The following SLC7A7 variants were observed in gnomAD, a reference collection of about 807,000 sequenced individuals.
The protein encoded by SLC7A7 is Y+L amino acid transporter 1.
Under a neutral mutation model 47.9 loss-of-function variants are expected in SLC7A7, and 39 were observed. The ratio of observed to expected loss-of-function variants is 0.81; its 90% CI spans 0.63 to 1.06. The LOEUF (loss-of-function observed/expected upper bound fraction) is 1.06, where lower values mean the gene tolerates loss of function less well. Among genes scored for constraint, SLC7A7 ranks in the 50% least tolerant of loss-of-function variants. The probability of loss-of-function intolerance (pLI) is 0.00; values close to 1 mark genes in which losing one functional copy is unlikely to be tolerated. For synonymous variants in SLC7A7, 234 were observed against 242.8 expected (o/e 0.96, Z 0.34); for missense variants, 588 against 632.0 (o/e 0.93, Z 0.75).
rs573189561 is a variant in SLC7A7, at chr14:22,780,198, T to C, written c.500-147A>G. On this transcript the variant is annotated intron_variant, in intron 2 of 9. Transcript: ENST00000674313. ...TCTGACCTGCTCTGCACTGGAACCCTCGGGGCCCCAGAATGTCCTCACCAT... is the reference window on the plus strand; with the variant it reads ...TCTGACCTGCTCTGCACTGGAACCCCCGGGGCCCCAGAATGTCCTCACCAT... 4.3e-5 allele frequency: 47 copies of C among 1,100,636 alleles called. No individual in the cohort carries two copies. In the Admixed American group the frequency reaches 9.5e-4, roughly 22 times the overall value. The allele number at this position is 1,100,636 out of a possible 1,614,324, so 68.2% of individuals were successfully genotyped here. A position where few individuals can be genotyped will look rare whatever the true frequency, so the allele number is the denominator to read the frequency against.
chr14:22,790,518 T>C lies in SLC7A7; in HGVS notation c.500-10467A>G, dbSNP rs532529785. On this transcript the variant is annotated intron_variant, in intron 2 of 9. Transcript: ENST00000674313. ...TCAAAAGAATCTAAATGTGACCTTA[T>C]GCAAAGAAGGCAGGCATCCCTTATG... Among the ~76,000 whole-genome samples, 6 of 152,232 alleles carry C rather than the reference T, an allele frequency of 3.9e-5. No homozygotes were observed. In the South Asian group the frequency reaches 1.2e-3, roughly 32 times the overall value.
At chr14:22,803,350 G>A (rs904735851) in intron 2 of SLC7A7, among the ~76,000 whole-genome samples, 3 of 152,160 alleles carry the variant, frequency 2.0e-5, no homozygotes, top group African/African-American at 4.8e-5. Flanking sequence ...CCCGGAAGGC[G>A]GAGGTTGCAG....
intron 2 of SLC7A7, among the ~76,000 whole-genome samples, chr14:22,781,047 G>C (rs2038710474): frequency 6.6e-6 from 1 of 152,132 alleles, no homozygotes; most frequent in Admixed American, 6.6e-5. Context: ...CTTCCCACTG[G>C]TAGCATAGCG....
At chr14:22,792,948 G>A (rs539639994) in intron 2 of SLC7A7, among the ~76,000 whole-genome samples, 39 of 145,536 alleles carry the variant, frequency 2.7e-4, no homozygotes, top group African/African-American at 9.3e-4. Context: ...ACAGAGTCTC[G>A]CTCTGTCGCC....
intron 2 of SLC7A7, among the ~76,000 whole-genome samples, chr14:22,796,006 G>A (rs867507562): frequency 1.8e-4 from 27 of 152,152 alleles, no homozygotes; most frequent in African/African-American, 6.0e-4. Flanking sequence ...TGCTGGTCAA[G>A]AGTTTGTTCC....
intron 2 of SLC7A7, among the ~76,000 whole-genome samples, chr14:22,792,924 T>G (rs1233012893): frequency 1.3e-5 from 2 of 149,868 alleles, no homozygotes; most frequent in African/African-American, 2.4e-5. Context: ...AATATCTTTT[T>G]TTTTTTTTTA....
chr14:22,817,547 A>C (rs1161582290), upstream of SLC7A7, among the ~76,000 whole-genome samples: 1 of 152,052 alleles, frequency 6.6e-6, no homozygotes, highest in Non-Finnish European at 1.5e-5. Context: ...CACCACATTG[A>C]CCAGGATGGT....
Position 22,813,789 on chromosome 14 carries a change from A to ATTTTT in SLC7A7, c.-42-354_-42-350dup, listed in dbSNP as rs34654418. ...AGGCACCTGCCACCACGCGTGGCTAATTTTTTTTTTTTTTTTTTGAGATGG... is the reference window on the plus strand; with the variant it reads ...AGGCACCTGCCACCACGCGTGGCTAATTTTTTTTTTTTTTTTTTTTTTTGAGATGG... On this transcript the variant is annotated intron_variant, in intron 1 of 9. Coordinates refer to ENST00000674313, the MANE Select transcript of SLC7A7 (RefSeq NM_003982.4). 2.8e-4 allele frequency among the ~76,000 whole-genome samples: 27 copies of ATTTTT among 96,288 alleles called. 1 individual carries two copies. Among genetic ancestry groups the ATTTTT allele is most frequent in the African/African-American group, 1.1e-3 (25 of 23,764 alleles). 63.2% of individuals were successfully genotyped at this position (96,288 alleles called of 152,430 possible). A position where few individuals can be genotyped will look rare whatever the true frequency, so the allele number is the denominator to read the frequency against.
chr14:22,814,394 G>C (rs2039374753), intron 1 of SLC7A7, among the ~76,000 whole-genome samples: 2 of 151,928 alleles, frequency 1.3e-5, no homozygotes, highest in South Asian at 4.2e-4. Flanking sequence ...TGAGGCAGGA[G>C]AATCACTTGA....
intron 2 of SLC7A7, among the ~76,000 whole-genome samples, chr14:22,795,769 G>A (rs967420488): frequency 7.9e-5 from 12 of 152,056 alleles, no homozygotes; most frequent in African/African-American, 1.9e-4. Context: ...CACCGTGCCC[G>A]GCCTTGTTTT....
rs376455152 is a variant in SLC7A7, at chr14:22,775,956, G to A, written c.895-20C>T. Reference sequence around the variant, plus strand: ...AAAAGTCTAAGGGAAAAGAATGGAAGAGTCATTAGCAGGATCTAAAAGGGA... The same window carrying A: ...AAAAGTCTAAGGGAAAAGAATGGAAAAGTCATTAGCAGGATCTAAAAGGGA... On this transcript the variant is annotated intron_variant, in intron 5 of 9. Transcript: ENST00000674313. 42 of 1,585,314 alleles carry A rather than the reference G, an allele frequency of 2.6e-5. No individual in the cohort carries two copies. The South Asian group carries it at 3.6e-4, about 14-fold the overall frequency.
chr14:22,811,885 A>G (rs2039313749), intron 2 of SLC7A7, among the ~76,000 whole-genome samples: 1 of 151,428 alleles, frequency 6.6e-6, no homozygotes, highest in Admixed American at 6.6e-5. Flanking sequence ...CAGCCTACAG[A>G]AATACTCATG....
Position 22,773,642 on chromosome 14 carries a change from T to C in SLC7A7, c.1504A>G (p.Met502Val), listed in dbSNP as rs888454102. Residue 502 changes from methionine to valine, a missense_variant, in exon 10 of 10, where the codon ATG (methionine) becomes GTG (valine). Physicochemically the swap from Met to Val is conservative, Grantham distance 21. Transcript: ENST00000674313. ...GATTTGGGATCCCGTTGCTTGGGCA[T>C]CTCTCCTCCATCTTCCAAATCCATT... ...AEMDLEDGGE[M>V]PKQRDPKSN 4 of 1,614,040 alleles carry C rather than the reference T, an allele frequency of 2.5e-6. No individual in the cohort carries two copies. Among genetic ancestry groups the C allele is most frequent in the Non-Finnish European group, 2.5e-6 (3 of 1,180,034 alleles).
In SLC7A7 at chr14:22,796,786, G is replaced by A. The variant is rs144962937; in HGVS notation, c.499+16114C>T. Among the ~76,000 whole-genome samples, 30 of 152,296 alleles carry A rather than the reference G, an allele frequency of 2.0e-4. No individual in the cohort carries two copies. The East Asian group carries it at 5.0e-3, about 25-fold the overall frequency. On this transcript the variant is annotated intron_variant, in intron 2 of 9. Transcript: ENST00000674313. Reference sequence around the variant, plus strand: ...CCTTGGCTCTGAGGAAAGGACAGTCGGGTGGAGCTGGACTTCTGGACACCT... The same window carrying A: ...CCTTGGCTCTGAGGAAAGGACAGTCAGGTGGAGCTGGACTTCTGGACACCT...
chr14:22,791,024 C>T (rs546030991), intron 2 of SLC7A7, among the ~76,000 whole-genome samples: 1 of 149,916 alleles, frequency 6.7e-6, no homozygotes, highest in South Asian at 2.1e-4. Flanking sequence ...AGGTCAAATA[C>T]GTTTATTAGC....
chr14:22,776,334 A>G lies in SLC7A7; in HGVS notation c.771-16T>C. The G allele has an allele frequency of 1.2e-6, 2 of 1,614,196 alleles. No homozygotes were observed. Among genetic ancestry groups the G allele is most frequent in the Non-Finnish European group, 1.7e-6 (2 of 1,180,020 alleles). On this transcript the variant is annotated splice_polypyrimidine_tract_variant and intron_variant, in intron 4 of 9. Coordinates refer to ENST00000674313, the MANE Select transcript of SLC7A7 (RefSeq NM_003982.4). The stretch of plus-strand genomic sequence containing the variant: ...GGGCAGGTTCCTACAGCCAAATAGA[A>G]TAAAATGCACATTAGTCCCACAGTC...
In SLC7A7 at chr14:22,774,048, A is replaced by T; in HGVS notation, c.1314T>A (p.Ser438Arg). Reference protein sequence around the residue: ...TIFLVAVPLYSDTINSLIGIA... With the variant: ...TIFLVAVPLYRDTINSLIGIA... ...TGCCGATGAGGGAGTTGATAGTATC[A>T]CTGTAAAGTGGAACAGCCACCAGGA... The change falls in exon 9 of 10, where the codon AGT (serine) becomes AGA (arginine). Residue 438 changes from serine (S) to arginine (R), a missense_variant. Ser to Arg is a moderately radical substitution (Grantham distance 110). Coordinates refer to ENST00000674313, the MANE Select transcript of SLC7A7 (RefSeq NM_003982.4). 6.2e-7 allele frequency: 1 copy of T among 1,614,220 alleles called. No homozygotes were observed. Among genetic ancestry groups the T allele is most frequent in the South Asian group, 1.1e-5 (1 of 91,088 alleles).
chr14:22,775,066 T>C (rs1022923607), intron 7 of SLC7A7, among the ~76,000 whole-genome samples: 4 of 147,214 alleles, frequency 2.7e-5, no homozygotes, highest in Non-Finnish European at 4.5e-5. Context: ...ACTTTTTTTT[T>C]CTGAGAACAC....
chr14:22,815,808 C>T, upstream of SLC7A7: 1 of 395,586 alleles, frequency 2.5e-6, no homozygotes, highest in Non-Finnish European at 5.1e-6. Flanking sequence ...CCATGCCCCA[C>T]CCTAGCCTCT....
Sources: allele counts gnomAD v4.1 joint callset (sites outside exome capture counted in the v4.1 genomes callset), GRCh38; gene constraint gnomAD v4.1.1; transcripts MANE v1.5; gene names NCBI Gene and HGNC (gene_info 2026-07-23, HGNC 2026-07-21).